MTRES1: variants seen among roughly 807,000 people sequenced by gnomAD.
MTRES1 encodes the protein uncharacterized protein C6orf203.
Under a neutral mutation model 17.4 loss-of-function variants are expected in MTRES1, and 11 were observed. The ratio of observed to expected loss-of-function variants is 0.63; its 90% CI spans 0.40 to 1.05. MTRES1 has a LOEUF of 1.05. Ranked by LOEUF, MTRES1 falls within the 50% of genes least tolerant of loss-of-function variation. The pLI, the probability that MTRES1 is intolerant of heterozygous loss-of-function variation, is 0.00. For missense variants in MTRES1, 268 were observed against 276.2 expected, an observed-to-expected ratio of 0.97 and a Z score of 0.21; for synonymous variants, 94 against 99.6, an observed-to-expected ratio of 0.94 and a Z score of 0.34.
chr6:107,030,650 C>CT (rs147215797), intron 1 of MTRES1, among the ~76,000 whole-genome samples: 4,058 of 152,266 alleles, frequency 0.027, 202 homozygotes, highest in African/African-American at 0.094. Context: ...TAGGCACTGT[C>CT]TGCCTAGAAT....
chr6:107,039,145 G>A (rs1317216765), intron 1 of MTRES1, among the ~76,000 whole-genome samples: 5 of 152,140 alleles, frequency 3.3e-5, no homozygotes, highest in Non-Finnish European at 7.3e-5. Context: ...AAGCTAATTT[G>A]TGGGAGGGAG....
At chr6:107,046,274 C>A (rs548362299) in intron 3 of MTRES1, among the ~76,000 whole-genome samples, 1 of 152,304 alleles carries the variant, frequency 6.6e-6, no homozygotes, top group South Asian at 2.1e-4. Flanking sequence ...CCTGAACACC[C>A]TGTCTCTGTG....
chr6:107,029,249 G>A (rs1340906181), intron 1 of MTRES1, among the ~76,000 whole-genome samples: 2 of 150,208 alleles, frequency 1.3e-5, no homozygotes, highest in African/African-American at 4.9e-5. Flanking sequence ...GTGCAGTGGC[G>A]CGATCTCTGC....
chr6:107,050,466 C>G (rs1554229025), intron 3 of MTRES1, among the ~76,000 whole-genome samples: 2 of 148,594 alleles, frequency 1.3e-5, no homozygotes, highest in African/African-American at 4.9e-5. Context: ...TGCGCAGGGA[C>G]TATCCACAGC....
chr6:107,049,217 T>C (rs6942371), intron 3 of MTRES1, among the ~76,000 whole-genome samples: 4,058 of 152,214 alleles, frequency 0.027, 201 homozygotes, highest in African/African-American at 0.094. Context: ...GACACCATAC[T>C]TCTTAAACAG....
chr6:107,045,014 C>G (rs761346643), intron 3 of MTRES1, among the ~76,000 whole-genome samples: 4 of 152,026 alleles, frequency 2.6e-5, no homozygotes, highest in Non-Finnish European at 5.9e-5. Context: ...CATGGCAAAA[C>G]TGTCTCTACA....
chr6:107,048,842 C>G (rs540438834), intron 3 of MTRES1, among the ~76,000 whole-genome samples: 2 of 151,794 alleles, frequency 1.3e-5, no homozygotes, highest in African/African-American at 4.8e-5. Context: ...GGAACCCCCC[C>G]ACCCCTGCCC....
At chr6:107,044,122 A>T (rs1456693986) in intron 2 of MTRES1, 138 bp from the exon 3 acceptor site, 2 of 618,688 alleles carry the variant, frequency 3.2e-6, no homozygotes, top group Non-Finnish European at 5.5e-6. Flanking sequence ...ACTTTGTCTC[A>T]AAAAACAAAC....
At chr6:107,049,640 C>G (rs1212117013) in intron 3 of MTRES1, among the ~76,000 whole-genome samples, 3 of 151,344 alleles carry the variant, frequency 2.0e-5, no homozygotes, top group African/African-American at 7.3e-5. Context: ...GTCTCGATCT[C>G]CTGACCTTAT....
intron 1 of MTRES1, among the ~76,000 whole-genome samples, chr6:107,039,518 C>A (rs1220937681): frequency 6.6e-6 from 1 of 151,974 alleles, no homozygotes; most frequent in African/African-American, 2.4e-5. Context: ...TGGGGTTTTG[C>A]CATGTTGGCC....
rs183013719 is a variant in MTRES1 at position 107,039,816 on chromosome 6, G to C, written c.56G>C (p.Trp19Ser). ...GGTGTTTTAAGAAAGCCAGATGCCT[G>C]GATTGGACTCTGGGGTGTTCTCCGA... ...LAGVLRKPDA[W>S]IGLWGVLRGT... Residue 19 changes from tryptophan (W) to serine (S), a missense_variant, in exon 2 of 4, where the codon TGG (tryptophan) becomes TCG (serine). By Grantham distance (177) the Trp-to-Ser change is radical. Transcript: ENST00000311381. 2.5e-6 allele frequency: 4 copies of C among 1,613,388 alleles called. No homozygotes were observed.
chr6:107,034,936 G>A (rs1301894156), intron 1 of MTRES1, among the ~76,000 whole-genome samples: 3 of 151,140 alleles, frequency 2.0e-5, no homozygotes, highest in Non-Finnish European at 3.0e-5. Context: ...GCAGTGAACC[G>A]AGATCACACC....
chr6:107,030,127 G>A (rs1582588723), intron 1 of MTRES1: 1 of 718,442 alleles, frequency 1.4e-6, no homozygotes, highest in Non-Finnish European at 2.6e-6. Context: ...TAATTAAGGG[G>A]AGGATGCCAG....
At chr6:107,028,747 T>C (rs1333772070) in intron 1 of MTRES1, 1 of 269,856 alleles carries the variant, frequency 3.7e-6, no homozygotes, top group Non-Finnish European at 5.7e-6. Context: ...GTCAAGCAGG[T>C]CAAAGTCAGC....
At chr6:107,047,785 C>G (rs1554228595) in intron 3 of MTRES1, among the ~76,000 whole-genome samples, 1 of 151,934 alleles carries the variant, frequency 6.6e-6, no homozygotes, top group Non-Finnish European at 1.5e-5. Context: ...ATTCAGGAGG[C>G]TGAGGCAGGA....
chr6:107,040,734 T>C (rs1774172847), intron 2 of MTRES1: 1 of 151,462 alleles, frequency 6.6e-6, no homozygotes, highest in Non-Finnish European at 1.5e-5. Flanking sequence ...CCGGGCGAGG[T>C]GGCAGGCGCC....
chr6:107,040,186 T>G lies in MTRES1; in HGVS notation c.426T>G (p.Phe142Leu). 1 of 1,609,988 alleles carries G rather than the reference T, an allele frequency of 6.2e-7. No individual in the cohort carries two copies. The highest frequency in any genetic ancestry group is 8.5e-7 in the Non-Finnish European group (1 of 1,179,202). Residue 142 changes from phenylalanine (F) to leucine (L), a missense_variant, in exon 2 of 4, where the codon TTT becomes TTG. Transcript: ENST00000311381. ...ACCTGGAAAAAGCAGTTCAGTCTTT[T>G]CGGTATGATGTTGTCCTGAAGACGG... ...YKDLEKAVQS[F>L]RYDVVLKTGL...
Position 107,039,599 on chromosome 6 carries a change from C to T in MTRES1, c.-12-150C>T, listed in dbSNP as rs1554227330. ...CCTCCCAAAGTGCTGAGATTACAGGCGTGAACCACTGCGCCAGGCCCAATA... is the reference window on the plus strand; with the variant it reads ...CCTCCCAAAGTGCTGAGATTACAGGTGTGAACCACTGCGCCAGGCCCAATA... On this transcript the variant is annotated intron_variant, in intron 1 of 3. Transcript: ENST00000311381. 7.7e-6 allele frequency: 6 copies of T among 780,366 alleles called. No homozygotes were observed. The Admixed American group carries it at 1.0e-4, about 13-fold the overall frequency. 48.3% of individuals were successfully genotyped at this position (780,366 alleles called of 1,614,324 possible). A position where few individuals can be genotyped will look rare whatever the true frequency, so the allele number is the denominator to read the frequency against.
At chr6:107,045,025 A>G (rs1177193809) in intron 3 of MTRES1, among the ~76,000 whole-genome samples, 1 of 151,928 alleles carries the variant, frequency 6.6e-6, no homozygotes, top group Non-Finnish European at 1.5e-5. Context: ...TGTCTCTACA[A>G]AAAATACAAA....
Sources: allele counts gnomAD v4.1 joint callset (sites outside exome capture counted in the v4.1 genomes callset), GRCh38; gene constraint gnomAD v4.1.1; transcripts MANE v1.5; gene names NCBI Gene and HGNC (gene_info 2026-07-23, HGNC 2026-07-21).